The following SCN2A variants were observed in gnomAD, a reference collection of about 807,000 sequenced individuals.
The protein encoded by SCN2A is sodium voltage-gated channel alpha subunit 2, also known as sodium channel protein type 2 subunit alpha.
In SCN2A, 20 loss-of-function variants were observed where a neutral mutation model predicts 188.7. The observed-to-expected ratio is 0.11, with a 90% CI of 0.07 to 0.15. The LOEUF (loss-of-function observed/expected upper bound fraction) is 0.15. Ranked by LOEUF, SCN2A falls within the 10% of genes least tolerant of loss-of-function variation. SCN2A has a pLI of 1.00. For missense variants in SCN2A, 1,278 were observed against 2,445.0 expected (o/e 0.52, Z 10.07); for synonymous variants, 804 against 833.1 (o/e 0.97, Z 0.60).
intron 14 of SCN2A, among the ~76,000 whole-genome samples, chr2:165,332,709 G>T (rs1393631986): frequency 6.6e-6 from 1 of 151,948 alleles, no homozygotes; most frequent in African/African-American, 2.4e-5. Flanking sequence ...AAAAAGCAGG[G>T]TGGTGGGGTG....
chr2:165,354,702 G>A, intron 17 of SCN2A, 31 bp downstream of exon 17: 1 of 1,606,502 alleles, frequency 6.2e-7, no homozygotes, highest in Non-Finnish European at 8.5e-7. Context: ...AGATATTTTG[G>A]TGTTATATAA....
At chr2:165,329,263 A>T (rs890192918) in intron 13 of SCN2A, among the ~76,000 whole-genome samples, 1 of 152,150 alleles carries the variant, frequency 6.6e-6, no homozygotes, top group Non-Finnish European at 1.5e-5. Context: ...TCAAATTTTT[A>T]AAAGTGCAAA....
At chr2:165,368,730 A>T (rs1034468913) in intron 19 of SCN2A, among the ~76,000 whole-genome samples, 3 of 152,186 alleles carry the variant, frequency 2.0e-5, no homozygotes, top group Non-Finnish European at 4.4e-5. Context: ...TTAATTGGTG[A>T]TACAAATGTG....
chr2:165,294,158 A>G lies in SCN2A; in HGVS notation c.-51-1615A>G, dbSNP rs754857526. 4.3e-6 allele frequency: 4 copies of G among 934,714 alleles called. No individual in the cohort carries two copies. In the African/African-American group the frequency reaches 5.4e-5, roughly 13 times the overall value. 57.9% of individuals were successfully genotyped at this position (934,714 alleles called of 1,614,324 possible). A position where few individuals can be genotyped will look rare whatever the true frequency, so the allele number is the denominator to read the frequency against. On this transcript the variant is annotated intron_variant, in intron 1 of 26. Coordinates refer to ENST00000375437, the MANE Select transcript of SCN2A (RefSeq NM_001040142.2). ...GGGGTAATGTTTTATTATTCTTATT[A>G]TGCTTATTCTCTGTGATGCTTCTCT...
chr2:165,353,253 T>C (rs1700018727), intron 16 of SCN2A, among the ~76,000 whole-genome samples: 1 of 152,186 alleles, frequency 6.6e-6, no homozygotes, highest in South Asian at 2.1e-4. Flanking sequence ...TTTCTCACTA[T>C]TGTATAATTA....
chr2:165,240,168 C>T (rs550911803), intron 1 of SCN2A: 1 of 152,194 alleles, frequency 6.6e-6, no homozygotes, highest in South Asian at 2.1e-4. Flanking sequence ...GTCATTTCTC[C>T]CACATGAATC....
chr2:165,288,497 A>G (rs531434176), intron 1 of SCN2A, among the ~76,000 whole-genome samples: 1 of 151,748 alleles, frequency 6.6e-6, no homozygotes, highest in Non-Finnish European at 1.5e-5. Flanking sequence ...AAAATAAACT[A>G]TAAAAAATAA....
chr2:165,310,200 A>T, intron 6 of SCN2A, 123 bp from the exon 7 acceptor site: 1 of 1,060,196 alleles, frequency 9.4e-7, no homozygotes, highest in Non-Finnish European at 1.5e-6. Context: ...CACAAACATT[A>T]AACTAATATT....
chr2:165,389,245 A>G lies in SCN2A; in HGVS notation c.5439A>G (p.Ile1813Met). The change falls in exon 27 of 27, where the codon ATA (isoleucine) becomes ATG (methionine). Residue 1813 changes from isoleucine (I) to methionine (M), a missense_variant. Physicochemically the swap from Ile to Met is conservative, Grantham distance 10. This residue lies in a region of SCN2A where 54 missense variants were observed against 135.4 expected (regional missense o/e 0.40). Coordinates refer to ENST00000375437, the MANE Select transcript of SCN2A (RefSeq NM_001040142.2). This position sits in a 1 kb window ranked among gnomAD's most constrained non-coding sequence, Gnocchi z 4.2. ...TTGATCCCGATGCGACCCAGTTTATAGAGTTTGCCAAACTTTCTGATTTTG... is the reference window on the plus strand; with the variant it reads ...TTGATCCCGATGCGACCCAGTTTATGGAGTTTGCCAAACTTTCTGATTTTG... Reference protein sequence around the residue: ...EKFDPDATQFIEFAKLSDFAD... With the variant: ...EKFDPDATQFMEFAKLSDFAD... The G allele has an allele frequency of 6.2e-7, 1 of 1,614,082 alleles. No individual in the cohort carries two copies.
At chr2:165,370,422 C>CA in intron 20 of SCN2A, 123 bp downstream of exon 20, 1 of 1,011,388 alleles carries the variant, frequency 9.9e-7, no homozygotes, top group Non-Finnish European at 1.6e-6. Context: ...TTATGTTTCT[C>CA]ATTTCACAGT....
intron 25 of SCN2A, among the ~76,000 whole-genome samples, chr2:165,384,026 G>A (rs1287225225): frequency 2.6e-5 from 4 of 152,052 alleles, no homozygotes; most frequent in South Asian, 2.1e-4. Flanking sequence ...GGAAAAGATC[G>A]AAGACAGAGG....
chr2:165,356,336 A>T (rs952685565), intron 17 of SCN2A, among the ~76,000 whole-genome samples: 1 of 152,218 alleles, frequency 6.6e-6, no homozygotes, highest in Non-Finnish European at 1.5e-5. Flanking sequence ...GTTGAATAAT[A>T]TCTTAAAATC....
chr2:165,252,197 TA>T (rs1197121357), intron 1 of SCN2A, among the ~76,000 whole-genome samples: 1 of 152,128 alleles, frequency 6.6e-6, no homozygotes, highest in Non-Finnish European at 1.5e-5. Context: ...CACAGATATC[TA>T]AATTTAGAAA....
intron 23 of SCN2A, 107 bp downstream of exon 23, chr2:165,377,757 A>G: frequency 1.2e-6 from 1 of 859,922 alleles, no homozygotes; most frequent in South Asian, 1.6e-5. Flanking sequence ...CTTAATTTAT[A>G]AAACCCATCT....
chr2:165,327,387 T>C (rs1698414320), intron 13 of SCN2A: 1 of 205,154 alleles, frequency 4.9e-6, no homozygotes, highest in Non-Finnish European at 1.0e-5. Context: ...AAATTAAAAA[T>C]GTGAATTAGG....
At chr2:165,292,829 G>A (rs1696291329) in intron 1 of SCN2A, among the ~76,000 whole-genome samples, 1 of 152,094 alleles carries the variant, frequency 6.6e-6, no homozygotes, top group Non-Finnish European at 1.5e-5. Context: ...TTGCAAATAA[G>A]GATAATGAAA....
At chr2:165,258,997 G>T (rs577641676) in intron 1 of SCN2A, among the ~76,000 whole-genome samples, 1 of 152,222 alleles carries the variant, frequency 6.6e-6, no homozygotes, top group Non-Finnish European at 1.5e-5. Context: ...TAAGCTTATT[G>T]CCTGGATGGC....
At chr2:165,296,179 C>G in intron 2 of SCN2A, 89 bp downstream of exon 2, 1 of 1,254,804 alleles carries the variant, frequency 8.0e-7, no homozygotes, top group South Asian at 1.2e-5. Flanking sequence ...GGCTGGCCTC[C>G]TTCCCTCTGT....
Position 165,390,003 on chromosome 2 carries a change from G to A in SCN2A, c.*179G>A. 1.0e-6 allele frequency: 1 copy of A among 954,014 alleles called. No homozygotes were observed. The highest frequency in any genetic ancestry group is 1.8e-5 in the South Asian group (1 of 56,188). 59.1% of individuals were successfully genotyped at this position (954,014 alleles called of 1,614,324 possible). On this transcript the variant is annotated 3_prime_UTR_variant, in exon 27 of 27. Coordinates refer to ENST00000375437, the MANE Select transcript of SCN2A (RefSeq NM_001040142.2). ...CCTCTGGTCAGCAAACTGGAACTCAGTAAACTGGAGAAATAGTATCGATGG... is the reference window on the plus strand; with the variant it reads ...CCTCTGGTCAGCAAACTGGAACTCAATAAACTGGAGAAATAGTATCGATGG...
Sources: gnomAD v4.1 joint callset for allele counts (sites outside exome capture counted in the v4.1 genomes callset) on GRCh38, gnomAD v4.1.1 for gene constraint, gnomAD v4.1.1 regional missense constraint, Gnocchi (gnomAD v3.1) non-coding constraint, MANE v1.5 for transcripts, NCBI Gene and HGNC (gene_info 2026-07-23, HGNC 2026-07-21) for gene names.